PCDH15: variants seen among roughly 807,000 people sequenced by gnomAD.
PCDH15 encodes the protein protocadherin-15.
Under a neutral mutation model 178.5 loss-of-function variants are expected in PCDH15, and 129 were observed. The observed-to-expected ratio is 0.72, with a 90% CI of 0.63 to 0.84. The LOEUF (loss-of-function observed/expected upper bound fraction) is 0.84, where lower values mean the gene tolerates loss of function less well. Ranked by LOEUF, PCDH15 falls within the 40% of genes least tolerant of loss-of-function variation. The pLI is 0.00. For synonymous variants in PCDH15, 800 were observed against 732.0 expected, an observed-to-expected ratio of 1.09 and a Z score of -1.50; for missense variants, 2,230 against 2,099.9, an observed-to-expected ratio of 1.06 and a Z score of -1.21.
intron 2 of PCDH15, among the ~76,000 whole-genome samples, chr10:54,642,614 G>T (rs529275542): frequency 2.6e-5 from 4 of 152,246 alleles, no homozygotes; most frequent in Admixed American, 6.5e-5. Flanking sequence ...TATCAGCTAT[G>T]CAATGAATTA....
intron 2 of PCDH15, among the ~76,000 whole-genome samples, chr10:54,610,618 T>A (rs918611529): frequency 6.6e-6 from 1 of 151,974 alleles, no homozygotes; most frequent in Non-Finnish European, 1.5e-5. Flanking sequence ...TCTATGAATA[T>A]TCTGTCTTAG....
intron 4 of PCDH15, among the ~76,000 whole-genome samples, chr10:54,371,103 A>G (rs1947594716): frequency 6.6e-6 from 1 of 151,878 alleles, no homozygotes; most frequent in South Asian, 2.1e-4. Context: ...ATGTATAAAT[A>G]CATTTAATGA....
chr10:55,301,825 G>A (rs1843288821), intron 1 of PCDH15, among the ~76,000 whole-genome samples: 1 of 152,054 alleles, frequency 6.6e-6, no homozygotes, highest in Non-Finnish European at 1.5e-5. Context: ...AATTGCTCCA[G>A]CAAAATTTAT....
At position 54,819,741 on chromosome 10, in the gene PCDH15, C is replaced by T. The variant is rs866702273; in HGVS notation, c.-29+77709G>A. 3.3e-5 allele frequency among the ~76,000 whole-genome samples: 5 copies of T among 152,052 alleles called. No homozygotes were observed. In the South Asian group the frequency reaches 1.0e-3, roughly 31 times the overall value. The stretch of plus-strand genomic sequence containing the variant: ...CCATTACTCCAAAGACTGGGAATCA[C>T]TTCTTTTTGTTTTATGTCTTGTATG... On this transcript the variant is annotated intron_variant, in intron 3 of 5. Coordinates refer to the PCDH15 transcript ENST00000458638.
chr10:55,438,880 A>C (rs1464147755), intron 2 of PCDH15, among the ~76,000 whole-genome samples: 1 of 150,700 alleles, frequency 6.6e-6, no homozygotes, highest in African/African-American at 2.4e-5. Context: ...AATACTAATT[A>C]TTATTATTAA....
At chr10:55,437,712 A>G (rs890120492) in intron 2 of PCDH15, among the ~76,000 whole-genome samples, 10 of 152,166 alleles carry the variant, frequency 6.6e-5, no homozygotes, top group African/African-American at 2.2e-4. Flanking sequence ...GCTGATCTAG[A>G]AAAACAACAC....
chr10:53,866,914 T>A (rs934816244), intron 26 of PCDH15, 57 bp from the exon 27 acceptor site: 4 of 1,213,298 alleles, frequency 3.3e-6, no homozygotes, highest in Middle Eastern at 3.8e-4. Context: ...ATAACCCTTA[T>A]GAAATGGCTT....
At chr10:55,247,577 G>A (rs7083999) in intron 1 of PCDH15, among the ~76,000 whole-genome samples, 42,678 of 151,690 alleles carry the variant, frequency 0.28, 6,144 homozygotes, top group Middle Eastern at 0.38. Context: ...AGTTAAAGCA[G>A]TGCAACTTTT....
intron 2 of PCDH15, among the ~76,000 whole-genome samples, chr10:55,518,140 T>C (rs1841065743): frequency 6.6e-6 from 1 of 152,098 alleles, no homozygotes; most frequent in African/African-American, 2.4e-5. Context: ...AATAACTCTC[T>C]TCTCCCACTG....
chr10:54,403,995 G>A (rs144879558), intron 3 of PCDH15, among the ~76,000 whole-genome samples: 120 of 152,004 alleles, frequency 7.9e-4, no homozygotes, highest in African/African-American at 2.8e-3. Context: ...AACATTCCAT[G>A]CTAGTGAATA....
intron 3 of PCDH15, among the ~76,000 whole-genome samples, chr10:54,843,390 A>AT (rs1264137864): frequency 1.3e-5 from 2 of 151,992 alleles, no homozygotes; most frequent in African/African-American, 4.8e-5. Flanking sequence ...TCCTTCTGAC[A>AT]TGCTCGAGCT....
chr10:54,069,459 G>A (rs1025008019), intron 17 of PCDH15, among the ~76,000 whole-genome samples: 3 of 152,068 alleles, frequency 2.0e-5, no homozygotes, highest in African/African-American at 7.2e-5. Context: ...GGGACATGCA[G>A]GCATTTTCTT....
intron 2 of PCDH15, among the ~76,000 whole-genome samples, chr10:55,484,094 A>G (rs895279021): frequency 1.3e-5 from 2 of 151,740 alleles, no homozygotes; most frequent in Non-Finnish European, 2.9e-5. Flanking sequence ...ACATGATGAG[A>G]CACATGGACA....
At chr10:55,442,658 A>C (rs1839224190) in intron 2 of PCDH15, among the ~76,000 whole-genome samples, 1 of 151,222 alleles carries the variant, frequency 6.6e-6, no homozygotes, top group Admixed American at 6.6e-5. Context: ...AGCCAAAAAA[A>C]AGAGATCCTG....
chr10:54,484,528 A>C lies in PCDH15; in HGVS notation c.157+43284T>G, dbSNP rs12243412. On this transcript the variant is annotated intron_variant, in intron 3 of 37. Transcript: ENST00000644397. Reference sequence around the variant, plus strand: ...GAATGCTAGAATACCTCAAATGGAAAATTCACAAGTAGTAGCAGACAAGAA... The same window carrying C: ...GAATGCTAGAATACCTCAAATGGAACATTCACAAGTAGTAGCAGACAAGAA... 5.6e-3 allele frequency among the ~76,000 whole-genome samples: 856 copies of C among 152,032 alleles called. 14 individuals carry two copies. Among genetic ancestry groups the C allele is most frequent in the African/African-American group, 0.02 (832 of 41,544 alleles).
At chr10:54,373,280 A>T (rs1051056778) in intron 4 of PCDH15, among the ~76,000 whole-genome samples, 6 of 117,602 alleles carry the variant, frequency 5.1e-5, no homozygotes, top group African/African-American at 1.7e-4. Context: ...CTCAGGAGTG[A>T]ATTTTTTTTG....
At chr10:55,440,038 TG>T (rs982076663) in intron 2 of PCDH15, among the ~76,000 whole-genome samples, 1 of 152,162 alleles carries the variant, frequency 6.6e-6, no homozygotes, top group African/African-American at 2.4e-5. Flanking sequence ...CAAAATGTGT[TG>T]TTATTGGCAT....
chr10:54,719,902 A>G (rs1034238085), intron 1 of PCDH15, among the ~76,000 whole-genome samples: 6 of 152,082 alleles, frequency 3.9e-5, no homozygotes, highest in African/African-American at 1.4e-4. Flanking sequence ...TGTATGTACC[A>G]TATTTTCTTT....
intron 1 of PCDH15, among the ~76,000 whole-genome samples, chr10:55,243,966 A>G (rs1160421198): frequency 6.6e-6 from 1 of 152,070 alleles, no homozygotes; most frequent in African/African-American, 2.4e-5. Flanking sequence ...TCTTTATAAA[A>G]CTTTGTAGTC....
Sources: gnomAD v4.1 joint callset for allele counts (sites outside exome capture counted in the v4.1 genomes callset) on GRCh38, gnomAD v4.1.1 for gene constraint, MANE v1.5 for transcripts, NCBI Gene and HGNC (gene_info 2026-07-23, HGNC 2026-07-21) for gene names.